Variants in ELOC observed in about 807,000 individuals in gnomAD.
The protein encoded by ELOC is elongin C.
For synonymous variants in ELOC, 40 were observed against 51.3 expected, an observed-to-expected ratio of 0.78 and a Z score of 0.94; for missense variants, 38 against 139.0, an observed-to-expected ratio of 0.27 and a Z score of 3.65.
intron 1 of ELOC, among the ~76,000 whole-genome samples, chr8:73,968,606 C>A (rs762701342): frequency 3.9e-5 from 6 of 152,234 alleles, no homozygotes; most frequent in Non-Finnish European, 7.3e-5. Context: ...TCTCCATCTT[C>A]AGCATTCCTG....
chr8:73,966,184 A>G (rs1814956154), intron 1 of ELOC, among the ~76,000 whole-genome samples: 1 of 151,188 alleles, frequency 6.6e-6, no homozygotes, highest in Non-Finnish European at 1.5e-5. Context: ...CATAACAAAC[A>G]TTCCAACCTA....
In ELOC at chr8:73,961,103, T is replaced by C. The variant is rs945169516; in HGVS notation, c.-50-1285A>G. Among the ~76,000 whole-genome samples, 43 of 152,214 alleles carry C rather than the reference T, an allele frequency of 2.8e-4. 2 individuals carry two copies. The highest frequency in any genetic ancestry group is 9.9e-4 in the African/African-American group (41 of 41,458). On this transcript the variant is annotated intron_variant, in intron 1 of 3. Coordinates refer to ENST00000520242, the MANE Select transcript of ELOC (RefSeq NM_005648.4). ...TAAAAATGTACAAGTTTTTGAGAAA[T>C]TATAAATTTGACAAAATAACAAGAT...
At chr8:73,971,346 A>C (rs531179524) in intron 1 of ELOC, among the ~76,000 whole-genome samples, 6 of 152,330 alleles carry the variant, frequency 3.9e-5, no homozygotes, top group Admixed American at 3.3e-4. Flanking sequence ...GGTTGCAGCA[A>C]GCTGAAAACG....
chr8:73,949,951 G>A (rs1205017720), intron 3 of ELOC, among the ~76,000 whole-genome samples: 1 of 152,002 alleles, frequency 6.6e-6, no homozygotes. Context: ...CTGTGGAAAA[G>A]CCCAAAAGCA....
chr8:73,968,129 C>T (rs1239607382), intron 1 of ELOC, among the ~76,000 whole-genome samples: 1 of 152,196 alleles, frequency 6.6e-6, no homozygotes, highest in African/African-American at 2.4e-5. Flanking sequence ...CCGAATCCAT[C>T]TCCACATCTG....
intron 3 of ELOC, among the ~76,000 whole-genome samples, chr8:73,953,615 G>A (rs1025395512): frequency 6.6e-6 from 1 of 151,606 alleles, no homozygotes; most frequent in Non-Finnish European, 1.5e-5. Context: ...AACCAAGACT[G>A]CACCATTGCA....
chr8:73,947,534 A>T (rs1437124466), intron 3 of ELOC, among the ~76,000 whole-genome samples: 1 of 152,102 alleles, frequency 6.6e-6, no homozygotes, highest in Admixed American at 6.5e-5. Context: ...AATTAGCACC[A>T]AATGAATTAT....
chr8:73,947,968 C>T (rs905413957), intron 3 of ELOC, among the ~76,000 whole-genome samples: 4 of 151,780 alleles, frequency 2.6e-5, no homozygotes, highest in Non-Finnish European at 5.9e-5. Flanking sequence ...CTGAGGTGGG[C>T]GATCATTTGA....
chr8:73,946,845 G>GT, intron 3 of ELOC, 25 bp from the exon 4 acceptor site: 1 of 1,589,382 alleles, frequency 6.3e-7, no homozygotes, highest in Non-Finnish European at 8.6e-7. Context: ...AATTATGTAT[G>GT]TTATTGGCTG....
At chr8:73,949,805 T>C (rs1364348623) in intron 3 of ELOC, among the ~76,000 whole-genome samples, 2 of 152,258 alleles carry the variant, frequency 1.3e-5, no homozygotes, top group Non-Finnish European at 2.9e-5. Context: ...ATCTTGTGTT[T>C]AAACTAAAGA....
intron 1 of ELOC, among the ~76,000 whole-genome samples, chr8:73,961,504 T>C (rs562476407): frequency 6.6e-6 from 1 of 152,104 alleles, no homozygotes; most frequent in African/African-American, 2.4e-5. Flanking sequence ...ATATTCAAAG[T>C]ACCATCACTC....
intron 1 of ELOC, among the ~76,000 whole-genome samples, chr8:73,961,287 A>C (rs1401538733): frequency 1.3e-5 from 2 of 152,178 alleles, no homozygotes; most frequent in Non-Finnish European, 2.9e-5. Flanking sequence ...ATTCCTGACA[A>C]ATTTTAGTTC....
intron 1 of ELOC, among the ~76,000 whole-genome samples, chr8:73,965,975 T>C (rs988182100): frequency 2.6e-5 from 4 of 152,010 alleles, no homozygotes; most frequent in African/African-American, 9.7e-5. Flanking sequence ...TCTCGATGGG[T>C]AGAGGTATTT....
intron 1 of ELOC, among the ~76,000 whole-genome samples, chr8:73,970,062 G>A (rs1815250082): frequency 6.6e-6 from 1 of 152,210 alleles, no homozygotes; most frequent in Non-Finnish European, 1.5e-5. Context: ...GGCCAAGGCA[G>A]GAAGCCTACT....
chr8:73,970,804 T>C (rs1329132741), intron 1 of ELOC, among the ~76,000 whole-genome samples: 2 of 150,318 alleles, frequency 1.3e-5, no homozygotes, highest in Non-Finnish European at 3.0e-5. Flanking sequence ...GCGGATCACC[T>C]GAGGTCAGGA....
At chr8:73,969,052 A>C (rs956456176) in intron 1 of ELOC, among the ~76,000 whole-genome samples, 15 of 152,172 alleles carry the variant, frequency 9.9e-5, no homozygotes, top group African/African-American at 3.6e-4. Context: ...TCCAGACCAG[A>C]GGTTATCATC....
At chr8:73,971,048 A>AG (rs1563691710) in intron 1 of ELOC, among the ~76,000 whole-genome samples, 1 of 150,694 alleles carries the variant, frequency 6.6e-6, no homozygotes, top group African/African-American at 2.4e-5. Context: ...AAAAAAAAAA[A>AG]AAAGAAAAAG....
At chr8:73,968,238 T>C (rs1815121047) in intron 1 of ELOC, among the ~76,000 whole-genome samples, 2 of 152,212 alleles carry the variant, frequency 1.3e-5, no homozygotes, top group Admixed American at 6.5e-5. Context: ...TTGGACTCAA[T>C]TATGTCCAAA....
At chr8:73,966,076 T>G (rs926668586) in intron 1 of ELOC, among the ~76,000 whole-genome samples, 4 of 152,278 alleles carry the variant, frequency 2.6e-5, no homozygotes, top group African/African-American at 9.6e-5. Flanking sequence ...TGTAACTCAG[T>G]GTTGTTGGAA....
Sources: gnomAD v4.1 joint callset for allele counts (sites outside exome capture counted in the v4.1 genomes callset) on GRCh38, gnomAD v4.1.1 for gene constraint, MANE v1.5 for transcripts, NCBI Gene and HGNC (gene_info 2026-07-23, HGNC 2026-07-21) for gene names.